XKR6: variants seen among roughly 807,000 people sequenced by gnomAD.
The protein encoded by XKR6 is XK related 6, also known as XK-related protein 6.
A neutral mutation model predicts 56.7 loss-of-function variants in XKR6; 22 were observed. The observed-to-expected ratio is 0.39, with a 90% CI of 0.28 to 0.55. XKR6 has a LOEUF of 0.55. XKR6 is among the 20% of genes least tolerant of loss of function. The pLI is 0.66. For synonymous variants in XKR6, 524 were observed against 387.8 expected (o/e 1.35, Z -4.13); for missense variants, 852 against 889.0 (o/e 0.96, Z 0.53).
chr8:11,058,063 T>C (rs1799731124), intron 1 of XKR6, among the ~76,000 whole-genome samples: 1 of 152,234 alleles, frequency 6.6e-6, no homozygotes, highest in Non-Finnish European at 1.5e-5. Context: ...CCAGGATCTA[T>C]TCTAGAATAT....
intron 1 of XKR6, among the ~76,000 whole-genome samples, chr8:11,094,231 A>T (rs1233859887): frequency 6.6e-6 from 1 of 151,846 alleles, no homozygotes; most frequent in African/African-American, 2.4e-5. Flanking sequence ...GTTGCACATG[A>T]TATATACATA....
chr8:11,054,303 A>G (rs1014364469), intron 1 of XKR6, among the ~76,000 whole-genome samples: 2 of 152,316 alleles, frequency 1.3e-5, no homozygotes, highest in South Asian at 2.1e-4. Flanking sequence ...AGCGCACAGT[A>G]AGTTTGTCCT....
At chr8:11,109,981 G>C (rs1252127553) in intron 1 of XKR6, among the ~76,000 whole-genome samples, 1 of 152,026 alleles carries the variant, frequency 6.6e-6, no homozygotes, top group Non-Finnish European at 1.5e-5. Context: ...GTTTTTGTTT[G>C]TTTGTCTTTG....
intron 1 of XKR6, among the ~76,000 whole-genome samples, chr8:10,987,721 A>G (rs1047382297): frequency 3.3e-5 from 5 of 152,180 alleles, no homozygotes; most frequent in Non-Finnish European, 7.3e-5. Context: ...GACCCCAAGC[A>G]TTTACTATGG....
intron 1 of XKR6, among the ~76,000 whole-genome samples, chr8:11,185,947 C>T (rs908994692): frequency 6.6e-6 from 1 of 152,182 alleles, no homozygotes; most frequent in East Asian, 1.9e-4. Context: ...TCGATGGAAA[C>T]AGGGCTTGGG....
At chr8:11,179,460 T>G (rs1221642254) in intron 1 of XKR6, among the ~76,000 whole-genome samples, 1 of 152,188 alleles carries the variant, frequency 6.6e-6, no homozygotes, top group Non-Finnish European at 1.5e-5. Context: ...GCTGAGGCTA[T>G]TCTCAAGGTA....
At chr8:11,034,704 C>G (rs1428489217) in intron 1 of XKR6, among the ~76,000 whole-genome samples, 2 of 152,202 alleles carry the variant, frequency 1.3e-5, no homozygotes, top group Non-Finnish European at 2.9e-5. Flanking sequence ...GCTGGGACAG[C>G]TGCCCCTCCC....
At chr8:10,926,107 C>G (rs1800872976) in intron 1 of XKR6, among the ~76,000 whole-genome samples, 1 of 152,192 alleles carries the variant, frequency 6.6e-6, no homozygotes, top group African/African-American at 2.4e-5. Context: ...AGCCTGACTC[C>G]TAAAGATTCA....
intron 1 of XKR6, among the ~76,000 whole-genome samples, chr8:11,190,502 A>C (rs1316180132): frequency 6.6e-6 from 1 of 152,204 alleles, no homozygotes; most frequent in Admixed American, 6.5e-5. Context: ...TGAGGTACTG[A>C]AAACTGTGTC....
At chr8:11,041,892 T>C (rs933998216) in intron 1 of XKR6, among the ~76,000 whole-genome samples, 2 of 152,184 alleles carry the variant, frequency 1.3e-5, no homozygotes, top group African/African-American at 2.4e-5. Flanking sequence ...CACATACATA[T>C]ATAAACACAA....
chr8:11,133,312 G>C (rs80059815), intron 1 of XKR6, among the ~76,000 whole-genome samples: 3,052 of 152,210 alleles, frequency 0.02, 141 homozygotes, highest in African/African-American at 0.071. Context: ...CTTTGTGAGA[G>C]GCAAGGTGGA....
intron 1 of XKR6, chr8:11,129,043 T>C (rs990084916): frequency 2.2e-6 from 1 of 446,390 alleles, no homozygotes. Flanking sequence ...ATTAAGCACA[T>C]CTTAGGCTTC....
intron 1 of XKR6, among the ~76,000 whole-genome samples, chr8:11,059,737 C>A (rs1045829000): frequency 6.6e-6 from 1 of 150,678 alleles, no homozygotes; most frequent in Admixed American, 6.6e-5. Context: ...CCGCGCCCCC[C>A]GGACCCCGCC....
At chr8:10,899,022 G>C in intron 2 of XKR6, 106 bp from the exon 3 acceptor site, 5 of 1,468,436 alleles carry the variant, frequency 3.4e-6, no homozygotes, top group Non-Finnish European at 4.5e-6. Context: ...CGATCTAAAG[G>C]AGGAGGGAGA....
chr8:11,005,585 C>G (rs1030974284), intron 1 of XKR6, among the ~76,000 whole-genome samples: 1 of 152,038 alleles, frequency 6.6e-6, no homozygotes, highest in African/African-American at 2.4e-5. Context: ...TATAATTTCC[C>G]ACAATGAAAT....
chr8:11,113,923 G>A (rs1283289160), intron 1 of XKR6: 1 of 280,178 alleles, frequency 3.6e-6, no homozygotes, highest in South Asian at 3.2e-5. Flanking sequence ...AAGGAACTGG[G>A]GCAGCACAGA....
chr8:10,959,293 A>G (rs1801991695), intron 1 of XKR6, among the ~76,000 whole-genome samples: 1 of 152,162 alleles, frequency 6.6e-6, no homozygotes, highest in African/African-American at 2.4e-5. Flanking sequence ...AGAAAGGGAC[A>G]CTGGTTCTCT....
At chr8:10,991,446 C>T (rs1297352842) in intron 1 of XKR6, among the ~76,000 whole-genome samples, 1 of 152,112 alleles carries the variant, frequency 6.6e-6, no homozygotes, top group African/African-American at 2.4e-5. Flanking sequence ...AGTTATGATT[C>T]AGAAGCTATC....
At chr8:11,065,622 C>T (rs1174239364) in intron 1 of XKR6, among the ~76,000 whole-genome samples, 1 of 151,974 alleles carries the variant, frequency 6.6e-6, no homozygotes, top group Non-Finnish European at 1.5e-5. Flanking sequence ...TGGGAGACAG[C>T]CTCGAGAAGG....
Sources: gnomAD v4.1 joint callset for allele counts (sites outside exome capture counted in the v4.1 genomes callset) on GRCh38, gnomAD v4.1.1 for gene constraint, MANE v1.5 for transcripts, NCBI Gene and HGNC (gene_info 2026-07-23, HGNC 2026-07-21) for gene names.